The following CNTN5 variants were observed in gnomAD, a reference collection of about 807,000 sequenced individuals.
CNTN5 encodes contactin-5.
A neutral mutation model predicts 129.1 loss-of-function variants in CNTN5; 77 were observed. That is an observed-to-expected ratio of 0.60 (90% confidence interval 0.50 to 0.72). CNTN5 has a LOEUF of 0.72. Among genes scored for constraint, CNTN5 ranks in the 30% least tolerant of loss-of-function variants. CNTN5 has a pLI of 0.00. For synonymous variants in CNTN5, 509 were observed against 465.6 expected (o/e 1.09, Z -1.20); for missense variants, 1,478 against 1,328.8 (o/e 1.11, Z -1.75).
chr11:99,660,154 A>G (rs1952543362), intron 3 of CNTN5, among the ~76,000 whole-genome samples: 1 of 152,172 alleles, frequency 6.6e-6, no homozygotes, highest in Admixed American at 6.6e-5. Flanking sequence ...ATGAAAAAAT[A>G]CAAGAAAATC....
rs376005853 is a variant in CNTN5, at chr11:99,774,204, C to G, written c.56-45340C>G. 3.3e-5 allele frequency among the ~76,000 whole-genome samples: 5 copies of G among 151,704 alleles called. No homozygotes were observed. In the East Asian group the frequency reaches 7.7e-4, roughly 24 times the overall value. ...GGAACTATTTCTTAATTAACTCTGT[C>G]TAGTACATTGCAGATGCTCATCAAA... On this transcript the variant is annotated intron_variant, in intron 3 of 24. Coordinates refer to ENST00000524871, the MANE Select transcript of CNTN5 (RefSeq NM_014361.4).
chr11:99,235,962 G>T (rs924713816), intron 1 of CNTN5, among the ~76,000 whole-genome samples: 1 of 152,144 alleles, frequency 6.6e-6, no homozygotes, highest in African/African-American at 2.4e-5. Flanking sequence ...CATGGACGTG[G>T]TATTCTTAAA....
chr11:100,016,717 A>T (rs955542466), intron 9 of CNTN5, among the ~76,000 whole-genome samples: 2 of 151,958 alleles, frequency 1.3e-5, no homozygotes, highest in African/African-American at 2.4e-5. Context: ...AAGCATGTTT[A>T]TGTATGCACA....
intron 13 of CNTN5, among the ~76,000 whole-genome samples, chr11:100,147,150 C>A (rs1446795975): frequency 6.6e-6 from 1 of 152,104 alleles, no homozygotes; most frequent in Admixed American, 6.6e-5. Flanking sequence ...TACCTTCTGC[C>A]AGCCCACCTC....
intron 8 of CNTN5, among the ~76,000 whole-genome samples, chr11:99,968,898 G>A (rs759662997): frequency 1.1e-4 from 17 of 151,574 alleles, no homozygotes; most frequent in Non-Finnish European, 1.2e-4. Flanking sequence ...AACTCTGCAG[G>A]AATATAGAAA....
chr11:100,027,640 T>C (rs1941494270), intron 9 of CNTN5, among the ~76,000 whole-genome samples: 2 of 152,140 alleles, frequency 1.3e-5, no homozygotes, highest in African/African-American at 4.8e-5. Context: ...TAACACTCTT[T>C]CTCTGCACAG....
intron 15 of CNTN5, among the ~76,000 whole-genome samples, chr11:100,211,236 T>C (rs1949023478): frequency 6.6e-6 from 1 of 152,148 alleles, no homozygotes; most frequent in African/African-American, 2.4e-5. Context: ...AACATGCTTT[T>C]GAGGTTTTGG....
At chr11:99,964,692 T>G (rs1208595817) in intron 8 of CNTN5, among the ~76,000 whole-genome samples, 1 of 152,196 alleles carries the variant, frequency 6.6e-6, no homozygotes, top group African/African-American at 2.4e-5. Context: ...TTAGGGAGGA[T>G]TCCCTCTTTT....
At chr11:99,781,979 C>A (rs1195802530) in intron 3 of CNTN5, among the ~76,000 whole-genome samples, 1 of 151,250 alleles carries the variant, frequency 6.6e-6, no homozygotes, top group Admixed American at 6.6e-5. Context: ...CTGGCCAGGG[C>A]AATTAGGCAG....
chr11:99,243,324 G>A (rs894560742), intron 1 of CNTN5, among the ~76,000 whole-genome samples: 1 of 151,912 alleles, frequency 6.6e-6, no homozygotes, highest in African/African-American at 2.4e-5. Flanking sequence ...GGTTTTGTCA[G>A]TTTAATTATG....
chr11:99,066,844 C>A (rs1227087412), intron 1 of CNTN5, among the ~76,000 whole-genome samples: 8 of 152,144 alleles, frequency 5.3e-5, no homozygotes, highest in South Asian at 2.1e-4. Context: ...GGAACTAAGC[C>A]AGTTCCTGGG....
chr11:100,319,020 G>A (rs914269514), intron 21 of CNTN5, among the ~76,000 whole-genome samples: 2 of 152,000 alleles, frequency 1.3e-5, no homozygotes, highest in Admixed American at 1.3e-4. Flanking sequence ...AAATACACTT[G>A]TCTAACCATA....
At chr11:100,242,764 A>T (rs1949769076) in intron 16 of CNTN5, among the ~76,000 whole-genome samples, 1 of 152,228 alleles carries the variant, frequency 6.6e-6, no homozygotes, top group Non-Finnish European at 1.5e-5. Flanking sequence ...TTGGGTGAGG[A>T]CACAGATCTA....
intron 1 of CNTN5, among the ~76,000 whole-genome samples, chr11:99,226,269 A>G (rs1433801465): frequency 6.6e-6 from 1 of 152,200 alleles, no homozygotes; most frequent in Non-Finnish European, 1.5e-5. Flanking sequence ...AAGAGACACT[A>G]ACGTGAGGGT....
At chr11:99,287,276 T>A (rs534473762) in intron 1 of CNTN5, among the ~76,000 whole-genome samples, 163 of 152,270 alleles carry the variant, frequency 1.1e-3, no homozygotes, top group Non-Finnish European at 1.7e-3. Context: ...GCTGAAATAG[T>A]ATTATTATGT....
chr11:99,151,108 G>C (rs1860030143), intron 1 of CNTN5, among the ~76,000 whole-genome samples: 1 of 152,040 alleles, frequency 6.6e-6, no homozygotes, highest in Non-Finnish European at 1.5e-5. Flanking sequence ...CATTGCTCTT[G>C]AATTTTTATC....
chr11:99,940,205 G>A (rs925195293), intron 7 of CNTN5, among the ~76,000 whole-genome samples: 1 of 152,116 alleles, frequency 6.6e-6, no homozygotes, highest in Non-Finnish European at 1.5e-5. Flanking sequence ...TGTCAAGGGT[G>A]CTGAGATTGA....
At chr11:100,249,893 A>G (rs560944035) in intron 16 of CNTN5, among the ~76,000 whole-genome samples, 1 of 151,814 alleles carries the variant, frequency 6.6e-6, no homozygotes, top group East Asian at 1.9e-4. Flanking sequence ...ATGTATAAAA[A>G]TATTTTTTCA....
intron 3 of CNTN5, among the ~76,000 whole-genome samples, chr11:99,620,495 C>A (rs1189310595): frequency 1.6e-5 from 2 of 126,386 alleles, no homozygotes; most frequent in East Asian, 2.5e-4. Flanking sequence ...TCTTAAAACT[C>A]TTTTTTTCTT....
Sources: allele counts gnomAD v4.1 joint callset (sites outside exome capture counted in the v4.1 genomes callset), GRCh38; gene constraint gnomAD v4.1.1; transcripts MANE v1.5; gene names NCBI Gene and HGNC (gene_info 2026-07-23, HGNC 2026-07-21).